Variants in PCSK6 observed in about 807,000 individuals in gnomAD.
PCSK6 encodes the protein proprotein convertase subtilisin/kexin type 6, also known as paired basic amino acid cleaving enzyme 4.
Under a neutral mutation model 123.3 loss-of-function variants are expected in PCSK6, and 85 were observed. That is an observed-to-expected ratio of 0.69 (90% CI 0.58 to 0.83). The LOEUF is 0.83. Ranked by LOEUF, PCSK6 falls within the 40% of genes least tolerant of loss-of-function variation. PCSK6 has a pLI of 0.00. For synonymous variants in PCSK6, 508 were observed against 516.0 expected (o/e 0.98, Z 0.21); for missense variants, 1,191 against 1,282.3 (o/e 0.93, Z 1.09).
chr15:101,485,676 C>T (rs1447537116), intron 1 of PCSK6, among the ~76,000 whole-genome samples: 2 of 152,200 alleles, frequency 1.3e-5, no homozygotes, highest in Non-Finnish European at 2.9e-5. Context: ...CTTCAGCTCA[C>T]ACATACAAGT....
chr15:101,305,824 G>A lies in PCSK6; in HGVS notation c.2813-469C>T, dbSNP rs2039710784. The A allele has an allele frequency of 6.4e-6, 1 of 156,532 alleles. No individual in the cohort carries two copies. Among genetic ancestry groups the A allele is most frequent in the Non-Finnish European group, 1.4e-5 (1 of 70,578 alleles). The allele number at this position is 156,532 out of a possible 1,614,324, so 9.7% of individuals were successfully genotyped here. On this transcript the variant is annotated intron_variant, in intron 21 of 21. Coordinates refer to ENST00000611716, the MANE Select transcript of PCSK6 (RefSeq NM_002570.5). The surrounding 1 kb of genome is among the most constrained non-coding windows in gnomAD (Gnocchi z 4.8). Reference sequence around the variant, plus strand: ...GACAGAGGTGGGCAGCAGGATGGCAGCCCTTGAAGCCCCTCTCCTGCAATG... The same window carrying A: ...GACAGAGGTGGGCAGCAGGATGGCAACCCTTGAAGCCCCTCTCCTGCAATG...
At chr15:101,459,552 C>T (rs183101382) in intron 1 of PCSK6, among the ~76,000 whole-genome samples, 74 of 148,508 alleles carry the variant, frequency 5.0e-4, no homozygotes, top group Non-Finnish European at 8.7e-4. Context: ...CCACCATTCC[C>T]GTCCCCCCCA....
At chr15:101,395,041 C>T (rs1004489514) in intron 7 of PCSK6, among the ~76,000 whole-genome samples, 4 of 152,138 alleles carry the variant, frequency 2.6e-5, no homozygotes, top group African/African-American at 9.7e-5. Context: ...CAGCTGAAGC[C>T]GGTTTAAAGC....
At chr15:101,329,277 A>T (rs2040325317) in intron 15 of PCSK6, among the ~76,000 whole-genome samples, 1 of 152,208 alleles carries the variant, frequency 6.6e-6, no homozygotes, top group South Asian at 2.1e-4. Flanking sequence ...GGAGTTCTCC[A>T]TGTGCTTTGC....
intron 1 of PCSK6, among the ~76,000 whole-genome samples, chr15:101,474,954 T>C (rs1161244852): frequency 2.0e-5 from 3 of 152,178 alleles, no homozygotes; most frequent in South Asian, 2.1e-4. Context: ...TGTTTTCGGA[T>C]GGGATGCAGA....
intron 15 of PCSK6, among the ~76,000 whole-genome samples, chr15:101,326,962 G>A (rs1261601378): frequency 6.6e-6 from 1 of 151,452 alleles, no homozygotes; most frequent in Non-Finnish European, 1.5e-5. Flanking sequence ...GAGGAATTAG[G>A]TAGCCCCCCC....
intron 1 of PCSK6, among the ~76,000 whole-genome samples, chr15:101,451,059 G>C (rs1231295491): frequency 1.3e-5 from 2 of 151,678 alleles, no homozygotes; most frequent in African/African-American, 2.4e-5. Context: ...CCTGGCTTGG[G>C]GTTTACAGAA....
chr15:101,311,285 A>ATTTT (rs71154317), intron 20 of PCSK6, among the ~76,000 whole-genome samples: 1 of 114,954 alleles, frequency 8.7e-6, no homozygotes, highest in African/African-American at 3.2e-5. Flanking sequence ...TAATTTTTGC[A>ATTTT]TTTTTTTTTT....
chr15:101,381,109 C>G (rs1596262569), intron 11 of PCSK6, among the ~76,000 whole-genome samples: 1 of 151,872 alleles, frequency 6.6e-6, no homozygotes, highest in East Asian at 1.9e-4. Flanking sequence ...CATCTGTAAT[C>G]CAAGCACTTT....
At chr15:101,464,253 C>T (rs2057404822) in intron 1 of PCSK6, among the ~76,000 whole-genome samples, 1 of 152,122 alleles carries the variant, frequency 6.6e-6, no homozygotes, top group Non-Finnish European at 1.5e-5. Flanking sequence ...GACCCCAAGG[C>T]ACAGGAACTG....
intron 13 of PCSK6, among the ~76,000 whole-genome samples, chr15:101,352,294 G>C (rs947738564): frequency 2.6e-5 from 4 of 151,446 alleles, no homozygotes; most frequent in East Asian, 1.9e-4. Context: ...ACTACAGGTG[G>C]CCGCCACTGC....
At chr15:101,452,986 G>A (rs1489930089) in intron 1 of PCSK6, among the ~76,000 whole-genome samples, 1 of 152,146 alleles carries the variant, frequency 6.6e-6, no homozygotes, top group Non-Finnish European at 1.5e-5. Flanking sequence ...GTTTGTGATT[G>A]TTTCAAAAAA....
chr15:101,331,646 C>A lies in PCSK6; in HGVS notation c.2077+5G>T, dbSNP rs1333752923. On this transcript the variant is annotated splice_donor_5th_base_variant and intron_variant, in intron 15 of 21. Coordinates refer to ENST00000611716, the MANE Select transcript of PCSK6 (RefSeq NM_002570.5). ...AAAATACTTACTGGTTTGAAGCATA[C>A]TTACTGGTCTGTAAAATATTAGCAG... is the stretch of plus-strand genomic sequence containing the variant. The A allele has an allele frequency of 6.2e-7, 1 of 1,613,230 alleles. No homozygotes were observed. Among genetic ancestry groups the A allele is most frequent in the Non-Finnish European group, 8.5e-7 (1 of 1,179,416 alleles).
intron 1 of PCSK6, among the ~76,000 whole-genome samples, chr15:101,453,594 C>T (rs770947144): frequency 5.3e-5 from 8 of 152,268 alleles, no homozygotes; most frequent in East Asian, 1.9e-4. Context: ...TGCGCTCTCC[C>T]GAGTTTTTAA....
chr15:101,478,033 G>T (rs1414677581), intron 1 of PCSK6, among the ~76,000 whole-genome samples: 1 of 152,250 alleles, frequency 6.6e-6, no homozygotes. Context: ...GCACCCCTCT[G>T]CCCTAGCCAC....
At chr15:101,315,095 C>A (rs1424374242) in intron 19 of PCSK6, among the ~76,000 whole-genome samples, 1 of 152,242 alleles carries the variant, frequency 6.6e-6, no homozygotes, top group African/African-American at 2.4e-5. Context: ...CCTGTGGAGC[C>A]TCCCAAGTGG....
intron 20 of PCSK6, among the ~76,000 whole-genome samples, chr15:101,312,787 G>T (rs1031996023): frequency 6.6e-6 from 1 of 151,684 alleles, no homozygotes; most frequent in African/African-American, 2.4e-5. Context: ...AGCCGAGATC[G>T]CCCACTGCGC....
chr15:101,334,659 C>T (rs549254953), intron 13 of PCSK6: 2 of 152,346 alleles, frequency 1.3e-5, no homozygotes, highest in East Asian at 3.9e-4. Flanking sequence ...ACCAAGGGCT[C>T]TAGAGGCTAT....
At chr15:101,482,684 T>C (rs1436905599) in intron 1 of PCSK6, among the ~76,000 whole-genome samples, 1 of 152,134 alleles carries the variant, frequency 6.6e-6, no homozygotes, top group Non-Finnish European at 1.5e-5. Context: ...CCCCAGCCCA[T>C]CGACAGCTCC....
Sources: allele counts gnomAD v4.1 joint callset (sites outside exome capture counted in the v4.1 genomes callset), GRCh38; gene constraint gnomAD v4.1.1; non-coding constraint Gnocchi (gnomAD v3.1); transcripts MANE v1.5; gene names NCBI Gene and HGNC (gene_info 2026-07-23, HGNC 2026-07-21).